Variants in DTNA observed in about 807,000 individuals in gnomAD.
DTNA encodes dystrobrevin alpha, also known as dystrophin-related protein 3.
Under a neutral mutation model 100.7 loss-of-function variants are expected in DTNA, and 43 were observed. That is an observed-to-expected ratio of 0.43 (90% CI 0.33 to 0.55). The LOEUF (loss-of-function observed/expected upper bound fraction) is 0.55, where lower values mean the gene tolerates loss of function less well. Ranked by LOEUF, DTNA falls within the 20% of genes least tolerant of loss-of-function variation. The pLI, the probability that DTNA is intolerant of heterozygous loss-of-function variation, is 0.04. For synonymous variants in DTNA, 349 were observed against 347.9 expected, an observed-to-expected ratio of 1.00 and a Z score of -0.04; for missense variants, 798 against 953.9, an observed-to-expected ratio of 0.84 and a Z score of 2.15.
intron 10 of DTNA, chr18:34,829,153 C>T (rs1238458048): frequency 1.5e-5 from 25 of 1,613,422 alleles, no homozygotes; most frequent in Non-Finnish European, 1.9e-5. Flanking sequence ...GCATGGTACC[C>T]ATTAACCCAA....
chr18:34,557,419 G>T (rs561428780), intron 1 of DTNA, among the ~76,000 whole-genome samples: 1 of 151,966 alleles, frequency 6.6e-6, no homozygotes, highest in East Asian at 1.9e-4. Context: ...GAGGAACTGC[G>T]TTCCTTTGGA....
intron 1 of DTNA, among the ~76,000 whole-genome samples, chr18:34,726,793 T>C (rs2086797757): frequency 6.6e-6 from 1 of 152,194 alleles, no homozygotes; most frequent in Admixed American, 6.5e-5. Context: ...CCAGTGGCTC[T>C]ACCATTTTCC....
chr18:34,673,622 A>G (rs1312490295), intron 1 of DTNA, among the ~76,000 whole-genome samples: 4 of 152,134 alleles, frequency 2.6e-5, no homozygotes, highest in Non-Finnish European at 5.9e-5. Flanking sequence ...TGGATACCCA[A>G]CTGAACTGAT....
intron 6 of DTNA, among the ~76,000 whole-genome samples, chr18:34,812,623 C>A (rs888430241): frequency 2.0e-5 from 3 of 152,126 alleles, no homozygotes; most frequent in Non-Finnish European, 4.4e-5. Context: ...CCCTCACTAT[C>A]ATGAAAACAG....
chr18:34,719,285 A>G (rs142850008), intron 1 of DTNA, among the ~76,000 whole-genome samples: 323 of 152,286 alleles, frequency 2.1e-3, no homozygotes, highest in African/African-American at 7.7e-3. Flanking sequence ...TGAAGGTTGC[A>G]GTGACCCCAG....
chr18:34,676,695 C>T (rs1010062922), intron 1 of DTNA, among the ~76,000 whole-genome samples: 6 of 152,002 alleles, frequency 3.9e-5, no homozygotes, highest in East Asian at 1.9e-4. Context: ...ATTAGCTGAG[C>T]GTGGTGCTGA....
At chr18:34,623,606 C>T (rs2056876196) in intron 1 of DTNA, among the ~76,000 whole-genome samples, 1 of 152,158 alleles carries the variant, frequency 6.6e-6, no homozygotes, top group Admixed American at 6.5e-5. Flanking sequence ...TAAATGAAGA[C>T]AGGGCTTTTA....
At chr18:34,714,854 A>G (rs1050954769) in intron 1 of DTNA, among the ~76,000 whole-genome samples, 8 of 152,152 alleles carry the variant, frequency 5.3e-5, no homozygotes, top group African/African-American at 1.7e-4. Context: ...TGGCACATAC[A>G]CACCATGGAA....
chr18:34,863,750 T>TA (rs2096659698), intron 16 of DTNA, among the ~76,000 whole-genome samples: 1 of 152,202 alleles, frequency 6.6e-6, no homozygotes, highest in South Asian at 2.1e-4. Flanking sequence ...ACAAAAGATC[T>TA]AAAAGGACTT....
chr18:34,619,043 G>C (rs920525641), intron 1 of DTNA, among the ~76,000 whole-genome samples: 1 of 152,150 alleles, frequency 6.6e-6, no homozygotes. Context: ...AGTGTGTCAG[G>C]CAGATTTGCG....
At chr18:34,694,720 C>T (rs1013202331) in intron 1 of DTNA, among the ~76,000 whole-genome samples, 1 of 151,992 alleles carries the variant, frequency 6.6e-6, no homozygotes, top group Non-Finnish European at 1.5e-5. Context: ...ATCATGTCTC[C>T]CTAATGTATG....
intron 1 of DTNA, among the ~76,000 whole-genome samples, chr18:34,610,235 G>A (rs2053963112): frequency 6.6e-6 from 1 of 152,138 alleles, no homozygotes; most frequent in Non-Finnish European, 1.5e-5. Context: ...ACTTCTATAG[G>A]CTAAGGAAGA....
chr18:34,878,932 A>T (rs1027748575), intron 19 of DTNA, among the ~76,000 whole-genome samples: 15 of 152,346 alleles, frequency 9.8e-5, no homozygotes, highest in African/African-American at 3.4e-4. Context: ...GCTTTCTTAA[A>T]GCCTCTCAAT....
intron 15 of DTNA, among the ~76,000 whole-genome samples, chr18:34,854,881 A>C (rs1486644324): frequency 6.6e-6 from 1 of 152,218 alleles, no homozygotes; most frequent in Non-Finnish European, 1.5e-5. Context: ...CATGTGTACA[A>C]ATATAGTTTC....
At chr18:34,820,409 T>C (rs955465052) in intron 8 of DTNA, among the ~76,000 whole-genome samples, 5 of 152,158 alleles carry the variant, frequency 3.3e-5, no homozygotes, top group Admixed American at 1.3e-4. Flanking sequence ...TAACAAGCCA[T>C]ATAAAGATTT....
intron 3 of DTNA, among the ~76,000 whole-genome samples, chr18:34,776,100 T>C (rs1419159962): frequency 1.3e-5 from 2 of 151,920 alleles, no homozygotes; most frequent in Non-Finnish European, 2.9e-5. Flanking sequence ...AGAAGGGGAG[T>C]GGACACTTTG....
At chr18:34,710,050 G>A (rs1009129191), upstream of DTNA, among the ~76,000 whole-genome samples, 1 of 152,122 alleles carries the variant, frequency 6.6e-6, no homozygotes, top group Admixed American at 6.5e-5. Flanking sequence ...TCATTAGTTA[G>A]TTGGGAAACC....
chr18:34,626,899 C>T (rs1185423086), intron 1 of DTNA, among the ~76,000 whole-genome samples: 3 of 152,196 alleles, frequency 2.0e-5, no homozygotes, highest in East Asian at 3.9e-4. Context: ...CTGATAAGCT[C>T]ACTGACCAAA....
chr18:34,526,267 G>T (rs541648833), intron 1 of DTNA, among the ~76,000 whole-genome samples: 8 of 152,248 alleles, frequency 5.3e-5, no homozygotes, highest in Middle Eastern at 3.4e-3. Flanking sequence ...GTCTTCTGCA[G>T]TATGCTGTCC....
Sources: gnomAD v4.1 joint callset for allele counts (sites outside exome capture counted in the v4.1 genomes callset) on GRCh38, gnomAD v4.1.1 for gene constraint, MANE v1.5 for transcripts, NCBI Gene and HGNC (gene_info 2026-07-23, HGNC 2026-07-21) for gene names.